Variants in TCF12 observed in about 807,000 individuals in gnomAD.
TCF12 encodes the protein transcription factor 12, also known as DNA-binding protein HTF4.
TCF12 carries 45 observed loss-of-function variants against 86.0 expected under a neutral mutation model. The observed-to-expected ratio is 0.52, with a 90% CI of 0.41 to 0.67. TCF12 has a LOEUF of 0.67. Ranked by LOEUF, TCF12 falls within the 30% of genes least tolerant of loss-of-function variation. The probability of loss-of-function intolerance (pLI) is 0.00; values close to 1 mark genes in which losing one functional copy is unlikely to be tolerated. For missense variants in TCF12, 881 were observed against 859.9 expected (o/e 1.02, Z -0.31); for synonymous variants, 330 against 299.6 (o/e 1.10, Z -1.05).
chr15:57,220,170 AC>A (rs1214684443), intron 8 of TCF12, among the ~76,000 whole-genome samples: 6 of 152,208 alleles, frequency 3.9e-5, no homozygotes, highest in Admixed American at 3.9e-4. Context: ...TGATATCTTT[AC>A]TAGCAATGAG....
intron 3 of TCF12, among the ~76,000 whole-genome samples, chr15:57,037,032 C>T (rs1410818083): frequency 6.6e-6 from 1 of 152,112 alleles, no homozygotes; most frequent in Non-Finnish European, 1.5e-5. Context: ...TTGTTTTTAA[C>T]TGGACAAGCA....
intron 8 of TCF12, among the ~76,000 whole-genome samples, chr15:57,215,957 C>T (rs1208078275): frequency 3.3e-5 from 5 of 152,078 alleles, no homozygotes; most frequent in African/African-American, 1.2e-4. Flanking sequence ...GCCTGGAAGC[C>T]TGGAATTTAA....
At chr15:57,148,632 A>G (rs1399564253) in intron 5 of TCF12, among the ~76,000 whole-genome samples, 2 of 151,640 alleles carry the variant, frequency 1.3e-5, no homozygotes, top group Admixed American at 6.6e-5. Context: ...CTGTATTCCC[A>G]ACACTTGGGA....
At position 57,266,765 on chromosome 15, in the gene TCF12, A is replaced by G. The variant is rs532634922; in HGVS notation, c.1745+3491A>G. 8.5e-5 allele frequency among the ~76,000 whole-genome samples: 13 copies of G among 152,300 alleles called. No individual in the cohort carries two copies. The South Asian group carries it at 1.7e-3, about 19-fold the overall frequency. ...AAATTAGATGAGTTAGGCCAGGCAC[A>G]GTGGCTCATGCCTGTAATCCCAGCA... On this transcript the variant is annotated intron_variant, in intron 18 of 20. Transcript: ENST00000333725.
intron 3 of TCF12, among the ~76,000 whole-genome samples, chr15:56,981,103 G>A (rs1006085670): frequency 6.6e-6 from 1 of 152,178 alleles, no homozygotes; most frequent in East Asian, 1.9e-4. Flanking sequence ...TCATGTGGGG[G>A]ACACTACATT....
At chr15:57,136,968 TTG>T (rs1371294479) in intron 5 of TCF12, among the ~76,000 whole-genome samples, 6,384 of 16,216 alleles carry the variant, frequency 0.39, 2,301 homozygotes, top group Non-Finnish European at 0.48. Flanking sequence ...GTTTTTTTTT[TTG>T]TTTTTTTTTT....
intron 18 of TCF12, among the ~76,000 whole-genome samples, chr15:57,265,331 C>T (rs890134252): frequency 6.6e-6 from 1 of 151,848 alleles, no homozygotes; most frequent in Admixed American, 6.6e-5. Flanking sequence ...TCCTTCACCC[C>T]AAAAATGTGC....
intron 3 of TCF12, among the ~76,000 whole-genome samples, chr15:57,027,378 T>TTGAAA (rs2065885939): frequency 2.0e-5 from 3 of 152,228 alleles, no homozygotes; most frequent in African/African-American, 7.2e-5. Flanking sequence ...TCAAGATTTA[T>TTGAAA]CCAAGTTGTT....
At chr15:56,936,731 G>A (rs213156) in intron 3 of TCF12, among the ~76,000 whole-genome samples, 152,245 of 152,344 alleles carry the variant, frequency 1, 76,073 homozygotes, top group Non-Finnish European at 1. Flanking sequence ...TTTGTTGAAT[G>A]GGGTGTCCTT....
At chr15:57,156,237 G>C (rs1245879068) in intron 5 of TCF12, among the ~76,000 whole-genome samples, 1 of 152,176 alleles carries the variant, frequency 6.6e-6, no homozygotes, top group Non-Finnish European at 1.5e-5. Context: ...TCCACCAGAA[G>C]GGTATGTCTT....
intron 3 of TCF12, among the ~76,000 whole-genome samples, chr15:56,949,546 G>T (rs1408795221): frequency 2.0e-5 from 3 of 152,172 alleles, no homozygotes; most frequent in Admixed American, 2.0e-4. Context: ...AATTGTCATG[G>T]TGTTTCTTGG....
intron 4 of TCF12, among the ~76,000 whole-genome samples, chr15:57,084,526 T>G (rs2048506232): frequency 6.6e-6 from 1 of 152,188 alleles, no homozygotes; most frequent in Non-Finnish European, 1.5e-5. Flanking sequence ...TAAATCTTGT[T>G]AAGATGCAGA....
chr15:57,256,244 C>T (rs982544688), intron 16 of TCF12, among the ~76,000 whole-genome samples: 7 of 152,176 alleles, frequency 4.6e-5, no homozygotes, highest in Non-Finnish European at 7.3e-5. Context: ...TGACTATCCC[C>T]GCAGAGTCTT....
intron 3 of TCF12, among the ~76,000 whole-genome samples, chr15:57,007,057 GT>G (rs2064423071): frequency 1.3e-5 from 2 of 152,112 alleles, no homozygotes; most frequent in African/African-American, 4.8e-5. Flanking sequence ...CATTTGTAAG[GT>G]TAATGAAATG....
chr15:57,287,892 G>A lies in TCF12; in HGVS notation c.*1747G>A, dbSNP rs995135650. Reference sequence around the variant, plus strand: ...CATTTCAGTGTTAATCAGCTAAACAGAAGTTGTTGCTTATGATGTGTGAGT... The same window carrying A: ...CATTTCAGTGTTAATCAGCTAAACAAAAGTTGTTGCTTATGATGTGTGAGT... On this transcript the variant is annotated 3_prime_UTR_variant, in exon 21 of 21. Coordinates refer to ENST00000333725, the MANE Select transcript of TCF12 (RefSeq NM_207037.2). 1.3e-5 allele frequency: 2 copies of A among 152,632 alleles called. No homozygotes were observed. Among genetic ancestry groups the A allele is most frequent in the Non-Finnish European group, 2.9e-5 (2 of 68,044 alleles). The allele number at this position is 152,632 out of a possible 1,614,324, so 9.5% of individuals were successfully genotyped here.
chr15:57,073,355 T>A (rs1025659828), intron 4 of TCF12, among the ~76,000 whole-genome samples: 1 of 152,238 alleles, frequency 6.6e-6, no homozygotes, highest in Non-Finnish European at 1.5e-5. Flanking sequence ...TTAATATTTT[T>A]TCCCTAAGTT....
intron 6 of TCF12, among the ~76,000 whole-genome samples, chr15:57,181,150 C>A (rs1238330826): frequency 6.6e-6 from 1 of 151,908 alleles, no homozygotes; most frequent in Non-Finnish European, 1.5e-5. Context: ...TAATTAGGCC[C>A]TTATTTGATG....
intron 8 of TCF12, chr15:57,219,177 G>A (rs2058462257): frequency 9.2e-7 from 1 of 1,081,192 alleles, no homozygotes; most frequent in Non-Finnish European, 1.1e-6. Context: ...GTGTATATAT[G>A]TATATATGAG....
At chr15:57,138,080 C>T (rs1348671608) in intron 5 of TCF12, among the ~76,000 whole-genome samples, 2 of 152,060 alleles carry the variant, frequency 1.3e-5, no homozygotes, top group African/African-American at 4.8e-5. Context: ...TTGTTCTTCT[C>T]TTTTCAGTGG....
Sources: gnomAD v4.1 joint callset for allele counts (sites outside exome capture counted in the v4.1 genomes callset) on GRCh38, gnomAD v4.1.1 for gene constraint, MANE v1.5 for transcripts, NCBI Gene and HGNC (gene_info 2026-07-23, HGNC 2026-07-21) for gene names.